PTBP3: variants seen among roughly 807,000 people sequenced by gnomAD.
The protein encoded by PTBP3 is polypyrimidine tract-binding protein 3.
PTBP3 carries 20 observed loss-of-function variants against 58.7 expected under a neutral mutation model. That is an observed-to-expected ratio of 0.34 (90% CI 0.24 to 0.50). The LOEUF (loss-of-function observed/expected upper bound fraction) is 0.50. Among genes scored for constraint, PTBP3 ranks in the 20% least tolerant of loss-of-function variants. PTBP3 has a pLI of 0.98. For synonymous variants in PTBP3, 185 were observed against 219.8 expected (o/e 0.84, Z 1.40); for missense variants, 509 against 637.2 (o/e 0.80, Z 2.17).
intron 3 of PTBP3, among the ~76,000 whole-genome samples, chr9:112,272,083 T>TTA (rs1827412344): frequency 1.3e-5 from 2 of 152,248 alleles, no homozygotes; most frequent in East Asian, 3.9e-4. Flanking sequence ...TTTTTTATTT[T>TTA]TTTTTTGAGA....
At chr9:112,255,839 A>C (rs907926005) in intron 5 of PTBP3, among the ~76,000 whole-genome samples, 1 of 152,224 alleles carries the variant, frequency 6.6e-6, no homozygotes, top group African/African-American at 2.4e-5. Flanking sequence ...ACAGCTAGTA[A>C]GCCTTCATTT....
the PTBP3 span, among the ~76,000 whole-genome samples, chr9:112,345,705 A>C: frequency 7.7e-3 from 1,174 of 152,176 alleles, 20 homozygotes; most frequent in African/African-American, 0.027. Context: ...TTAAATATAA[A>C]AATTAAAAAT....
At chr9:112,267,991 G>C in intron 4 of PTBP3, 58 bp downstream of exon 4, 1 of 1,489,722 alleles carries the variant, frequency 6.7e-7, no homozygotes, top group Non-Finnish European at 9.1e-7. Context: ...TGTAAAGTAT[G>C]TAAGTTATCA....
In PTBP3 at chr9:112,262,603, T is replaced by C. The variant is rs968240609; in HGVS notation, c.352-4A>G. 3.9e-6 allele frequency: 6 copies of C among 1,557,118 alleles called. No homozygotes were observed. Among genetic ancestry groups the C allele is most frequent in the African/African-American group, 2.8e-5 (2 of 72,080 alleles). On this transcript the variant is annotated splice_polypyrimidine_tract_variant and splice_region_variant and intron_variant, in intron 4 of 13. Transcript: ENST00000374257. ...CCTGCAGTGCAGCTTGGGCTCGCTA[T>C]AGAACAACCCAAAATGAGAACTTTT...
chr9:112,258,518 C>T (rs188920331), intron 5 of PTBP3, among the ~76,000 whole-genome samples: 30 of 152,036 alleles, frequency 2.0e-4, no homozygotes, highest in African/African-American at 7.0e-4. Flanking sequence ...CTCCTGATTC[C>T]TGCCTACCTC....
downstream of PTBP3, chr9:112,217,746 T>C (rs1834672226): frequency 6.6e-6 from 1 of 152,238 alleles, no homozygotes; most frequent in East Asian, 1.9e-4. Context: ...CCAGTATTTA[T>C]GGAGACCACA....
chr9:112,363,915 T>C, the PTBP3 span, among the ~76,000 whole-genome samples: 1 of 152,206 alleles, frequency 6.6e-6, no homozygotes, highest in Non-Finnish European at 1.5e-5. Context: ...TTGACAAATA[T>C]ATAATGACAT....
intron 5 of PTBP3, among the ~76,000 whole-genome samples, chr9:112,255,107 A>G (rs1397673004): frequency 6.6e-6 from 1 of 152,248 alleles, no homozygotes; most frequent in Non-Finnish European, 1.5e-5. Flanking sequence ...TGCCAGTCAC[A>G]AAAGCACACA....
intron 1 of PTBP3, chr9:112,332,791 GATAATTC>G: frequency 2.5e-6 from 4 of 1,612,624 alleles, no homozygotes; most frequent in Non-Finnish European, 3.4e-6. Flanking sequence ...TACACGGGCA[GATAATTC>G]ATTAAGTTTC....
chr9:112,258,850 A>G (rs1836477991), intron 5 of PTBP3, among the ~76,000 whole-genome samples: 1 of 152,164 alleles, frequency 6.6e-6, no homozygotes, highest in Non-Finnish European at 1.5e-5. Context: ...TAATTTTAAA[A>G]AAATCCATAA....
intron 7 of PTBP3, among the ~76,000 whole-genome samples, chr9:112,243,806 T>C (rs1414171532): frequency 2.0e-5 from 3 of 152,230 alleles, no homozygotes; most frequent in Non-Finnish European, 4.4e-5. Context: ...ACTCTTCATG[T>C]ACATGAGCAC....
chr9:112,375,907 C>T, the PTBP3 span, among the ~76,000 whole-genome samples: 5 of 152,034 alleles, frequency 3.3e-5, no homozygotes, highest in African/African-American at 1.2e-4. Flanking sequence ...TAGTTATCTG[C>T]AGAAGAAGGC....
At chr9:112,337,511 A>C (rs1830585973), upstream of PTBP3, among the ~76,000 whole-genome samples, 1 of 152,204 alleles carries the variant, frequency 6.6e-6, no homozygotes. Flanking sequence ...CTGGAATCAG[A>C]TATCTCAGAT....
At chr9:112,312,666 G>A (rs1480071489) in intron 1 of PTBP3, among the ~76,000 whole-genome samples, 1 of 151,630 alleles carries the variant, frequency 6.6e-6, no homozygotes, top group Non-Finnish European at 1.5e-5. Context: ...TAATCTTTCT[G>A]TAACTTTATA....
At chr9:112,303,070 TA>T (rs1322961583) in intron 1 of PTBP3, among the ~76,000 whole-genome samples, 22 of 152,352 alleles carry the variant, frequency 1.4e-4, no homozygotes, top group African/African-American at 2.9e-4. Flanking sequence ...GAATCAAGTC[TA>T]AATGTCCTGT....
the PTBP3 span, among the ~76,000 whole-genome samples, chr9:112,362,322 T>G: frequency 0.17 from 25,815 of 152,128 alleles, 2,470 homozygotes; most frequent in East Asian, 0.24. Flanking sequence ...AAAAAATATC[T>G]ATTCAAATCG....
chr9:112,262,387 G>A (rs1836633157), intron 5 of PTBP3, 48 bp downstream of exon 5: 3 of 1,434,086 alleles, frequency 2.1e-6, no homozygotes, highest in Non-Finnish European at 2.8e-6. Flanking sequence ...AAAAGTTTCA[G>A]AGGCCATATT....
chr9:112,326,013 G>A (rs1830141876), intron 1 of PTBP3, among the ~76,000 whole-genome samples: 1 of 61,066 alleles, frequency 1.6e-5, no homozygotes. Context: ...GTGAGACCCT[G>A]TCTCAAACAA....
rs1445110279 is a variant in PTBP3 at position 112,221,114 on chromosome 9, A to G, written c.*2737T>C. The G allele has an allele frequency of 4.1e-6, 4 of 985,564 alleles. No individual in the cohort carries two copies. The highest frequency in any genetic ancestry group is 4.8e-6 in the Non-Finnish European group (4 of 829,942). 61.1% of individuals were successfully genotyped at this position (985,564 alleles called of 1,614,324 possible). A position where few individuals can be genotyped will look rare whatever the true frequency, so the allele number is the denominator to read the frequency against. ...ATGTGCTACAGCTAATTTTAGACAC[A>G]AACTGATGGTTTCAAACATGCTATT... is the stretch of plus-strand genomic sequence containing the variant. On this transcript the variant is annotated 3_prime_UTR_variant, in exon 14 of 14. Coordinates refer to ENST00000374257, the MANE Select transcript of PTBP3 (RefSeq NM_001163788.4).
Sources: gnomAD v4.1 joint callset for allele counts (sites outside exome capture counted in the v4.1 genomes callset) on GRCh38, gnomAD v4.1.1 for gene constraint, MANE v1.5 for transcripts, NCBI Gene and HGNC (gene_info 2026-07-23, HGNC 2026-07-21) for gene names.